Variants in ACYP2 observed in about 807,000 individuals in gnomAD.
The protein encoded by ACYP2 is acylphosphatase-2.
In ACYP2, 12 loss-of-function variants were observed where a neutral mutation model predicts 11.2. That is an observed-to-expected ratio of 1.08 (90% CI 0.69 to 1.74). The LOEUF is 1.74. Ranked by LOEUF, ACYP2 falls within the 40% of genes most tolerant of loss-of-function variation. The pLI is 0.00. For missense variants in ACYP2, 134 were observed against 101.9 expected (o/e 1.31, Z -1.35); for synonymous variants, 43 against 32.2 (o/e 1.33, Z -1.13).
chr2:54,060,773 C>G (rs1210504646), intron 4 of ACYP2, among the ~76,000 whole-genome samples: 2 of 152,116 alleles, frequency 1.3e-5, no homozygotes, highest in African/African-American at 4.8e-5. Context: ...TTTTTGAATG[C>G]CTGCAGAGTA....
intron 6 of ACYP2, among the ~76,000 whole-genome samples, chr2:54,290,609 A>C (rs1689260904): frequency 6.6e-6 from 1 of 152,136 alleles, no homozygotes; most frequent in Non-Finnish European, 1.5e-5. Context: ...CTAAAATAAC[A>C]ACCTCTGCTA....
At chr2:54,030,732 T>C (rs1305794023) in intron 2 of ACYP2, 2 of 157,290 alleles carry the variant, frequency 1.3e-5, no homozygotes, top group Non-Finnish European at 2.9e-5. Context: ...GCCATTTTAA[T>C]ACTTTCAAAA....
intron 4 of ACYP2, among the ~76,000 whole-genome samples, chr2:54,103,358 T>G (rs939555544): frequency 3.3e-5 from 5 of 152,244 alleles, no homozygotes; most frequent in African/African-American, 1.2e-4. Context: ...TTTTATGAGT[T>G]ATCTGTCCAT....
chr2:54,118,108 A>G (rs1334343252), intron 4 of ACYP2, among the ~76,000 whole-genome samples: 1 of 152,240 alleles, frequency 6.6e-6, no homozygotes, highest in Non-Finnish European at 1.5e-5. Context: ...GAGGTAGGAA[A>G]GGAGTCTCAG....
intron 6 of ACYP2, among the ~76,000 whole-genome samples, chr2:54,219,555 A>T (rs753383685): frequency 4.6e-5 from 7 of 152,208 alleles, no homozygotes; most frequent in South Asian, 2.1e-4. Context: ...TTCACAGATT[A>T]GTTCATTCGA....
chr2:54,267,602 A>T (rs539399973), intron 6 of ACYP2, among the ~76,000 whole-genome samples: 1 of 152,214 alleles, frequency 6.6e-6, no homozygotes, highest in African/African-American at 2.4e-5. Context: ...TTTAAAGATC[A>T]TTCTGGAAAA....
rs181410985 is a variant in ACYP2, at chr2:54,250,609, T to C, written c.405-54079T>C. ...CTTAAAATTATGTGATATGAATTGA[T>C]ATAAAAAGCCTAATTAAATCTACCT... is the stretch of plus-strand genomic sequence containing the variant. On this transcript the variant is annotated intron_variant, in intron 6 of 6. Coordinates refer to ENST00000607452, the MANE Select transcript of ACYP2 (RefSeq NM_001320586.2). Among the ~76,000 whole-genome samples, 184 of 152,364 alleles carry C rather than the reference T, an allele frequency of 1.2e-3. 2 individuals carry two copies. Among genetic ancestry groups the C allele is most frequent in the African/African-American group, 4.2e-3 (173 of 41,588 alleles).
intron 6 of ACYP2, among the ~76,000 whole-genome samples, chr2:54,221,259 ATGTT>A (rs1168718684): frequency 1.3e-5 from 2 of 152,172 alleles, no homozygotes; most frequent in African/African-American, 4.8e-5. Context: ...ATGAAAATAA[ATGTT>A]TGTTATTGTA....
intron 6 of ACYP2, among the ~76,000 whole-genome samples, chr2:54,187,865 G>A (rs1358280595): frequency 1.3e-5 from 2 of 152,302 alleles, no homozygotes; most frequent in Non-Finnish European, 2.9e-5. Flanking sequence ...AATGGGAGGA[G>A]TTTAGGTGGG....
At chr2:54,156,849 G>A (rs1283565209) in intron 6 of ACYP2, among the ~76,000 whole-genome samples, 1 of 152,076 alleles carries the variant, frequency 6.6e-6, no homozygotes, top group African/African-American at 2.4e-5. Flanking sequence ...TGTAGTGTTA[G>A]TAGAAATGCG....
chr2:54,203,578 A>G (rs896326792), intron 6 of ACYP2, among the ~76,000 whole-genome samples: 1 of 152,134 alleles, frequency 6.6e-6, no homozygotes, highest in Non-Finnish European at 1.5e-5. Context: ...TTTTATAATC[A>G]TGTTAGCTGT....
intron 6 of ACYP2, among the ~76,000 whole-genome samples, chr2:54,162,406 C>A (rs919859508): frequency 6.6e-6 from 1 of 152,274 alleles, no homozygotes; most frequent in East Asian, 1.9e-4. Flanking sequence ...GCTCAGTATT[C>A]TCTCTTCTAT....
intron 6 of ACYP2, among the ~76,000 whole-genome samples, chr2:54,265,304 A>G (rs1435142230): frequency 6.6e-6 from 1 of 152,148 alleles, no homozygotes; most frequent in African/African-American, 2.4e-5. Flanking sequence ...GCAAAGAGAG[A>G]CAGCTTGTAA....
chr2:54,148,404 T>C (rs1681996554), intron 6 of ACYP2, among the ~76,000 whole-genome samples: 1 of 152,198 alleles, frequency 6.6e-6, no homozygotes, highest in South Asian at 2.1e-4. Context: ...TGTAATTGCA[T>C]GGTGAAAATT....
At chr2:54,127,790 C>G (rs1075265) in intron 4 of ACYP2, among the ~76,000 whole-genome samples, 86,962 of 149,306 alleles carry the variant, frequency 0.58, 25,715 homozygotes, top group East Asian at 0.71. Flanking sequence ...AATTTCATCA[C>G]CTGGAAGGAA....
chr2:54,064,823 C>T (rs192363583), intron 4 of ACYP2, among the ~76,000 whole-genome samples: 5 of 152,264 alleles, frequency 3.3e-5, no homozygotes, highest in Non-Finnish European at 7.4e-5. Context: ...CGGTGGCTCA[C>T]GCCTGTAATC....
intron 4 of ACYP2, among the ~76,000 whole-genome samples, chr2:54,102,638 CAAAAA>C (rs58842257): frequency 1.9e-3 from 159 of 83,230 alleles, no homozygotes; most frequent in African/African-American, 8.8e-3. Flanking sequence ...TGGCTTAAGC[CAAAAA>C]AAAAAAAAAA....
chr2:54,273,192 C>G (rs181895791), intron 6 of ACYP2, among the ~76,000 whole-genome samples: 3 of 152,166 alleles, frequency 2.0e-5, no homozygotes, highest in African/African-American at 7.2e-5. Context: ...GAACAAATGA[C>G]AAACTATGGT....
At chr2:54,132,089 A>T (rs1377453017) in intron 4 of ACYP2, among the ~76,000 whole-genome samples, 2 of 152,230 alleles carry the variant, frequency 1.3e-5, no homozygotes, top group Non-Finnish European at 2.9e-5. Context: ...GAATATACAC[A>T]ATACAACCTA....
Sources: allele counts gnomAD v4.1 joint callset (sites outside exome capture counted in the v4.1 genomes callset), GRCh38; gene constraint gnomAD v4.1.1; transcripts MANE v1.5; gene names NCBI Gene and HGNC (gene_info 2026-07-23, HGNC 2026-07-21).